THSD4: variants seen among roughly 807,000 people sequenced by gnomAD.
The protein encoded by THSD4 is thrombospondin type 1 domain containing 4.
Under a neutral mutation model 119.0 loss-of-function variants are expected in THSD4, and 69 were observed. The ratio of observed to expected loss-of-function variants is 0.58; its 90% CI spans 0.48 to 0.71. The LOEUF (loss-of-function observed/expected upper bound fraction) is 0.71, where lower values mean the gene tolerates loss of function less well. Among genes scored for constraint, THSD4 ranks in the 30% least tolerant of loss-of-function variants. The pLI is 0.00. For synonymous variants in THSD4, 524 were observed against 540.4 expected (o/e 0.97, Z 0.42); for missense variants, 1,393 against 1,391.1 (o/e 1.00, Z -0.02).
chr15:71,305,796 A>C (rs1054823306), intron 6 of THSD4, among the ~76,000 whole-genome samples: 3 of 152,144 alleles, frequency 2.0e-5, no homozygotes, highest in African/African-American at 7.2e-5. Flanking sequence ...GTCACTAACC[A>C]AGGGGCCTGC....
chr15:71,112,701 T>C (rs1398943606), upstream of THSD4, among the ~76,000 whole-genome samples: 2 of 152,186 alleles, frequency 1.3e-5, no homozygotes, highest in Non-Finnish European at 2.9e-5. Flanking sequence ...CTTGGCTCTC[T>C]CTTTCGGTGA....
In THSD4 at chr15:71,567,116, G is replaced by A. The variant is rs576763295; in HGVS notation, c.1153-93414G>A. Among the ~76,000 whole-genome samples, 170 of 152,252 alleles carry A rather than the reference G, an allele frequency of 1.1e-3. 1 individual carries two copies. Among genetic ancestry groups the A allele is most frequent in the African/African-American group, 4.0e-3 (166 of 41,534 alleles). ...TCAGAGCAGTGCCCGGATAGCTGTG[G>A]CATTCATAATGTGGAACTGCCCTCG... On this transcript the variant is annotated intron_variant, in intron 7 of 17. Coordinates refer to ENST00000261862, the MANE Select transcript of THSD4 (RefSeq NM_024817.3).
At chr15:71,102,091 C>T (rs537346851) in intron 1 of THSD4, among the ~76,000 whole-genome samples, 3 of 152,274 alleles carry the variant, frequency 2.0e-5, no homozygotes, top group South Asian at 4.1e-4. Flanking sequence ...GAGAAATGCA[C>T]AGTCATTTAA....
chr15:71,659,269 G>T (rs927567646), intron 7 of THSD4, among the ~76,000 whole-genome samples: 4 of 152,104 alleles, frequency 2.6e-5, no homozygotes, highest in Admixed American at 6.6e-5. Flanking sequence ...ACTTCCATCT[G>T]CTCATGGAAA....
At chr15:71,586,553 T>G (rs1350827151) in intron 7 of THSD4, among the ~76,000 whole-genome samples, 1 of 152,164 alleles carries the variant, frequency 6.6e-6, no homozygotes, top group Non-Finnish European at 1.5e-5. Flanking sequence ...CCTTGTCACA[T>G]AGCTCCCTTT....
At chr15:71,283,131 G>A (rs910490262) in intron 6 of THSD4, among the ~76,000 whole-genome samples, 4 of 151,990 alleles carry the variant, frequency 2.6e-5, no homozygotes, top group Non-Finnish European at 5.9e-5. Context: ...CACCACACCC[G>A]GTTAATGTTT....
At position 71,255,454 on chromosome 15, in the gene THSD4, C is replaced by G. The variant is rs189043604; in HGVS notation, c.913-1159C>G. Among the ~76,000 whole-genome samples, 996 of 152,304 alleles carry G rather than the reference C, an allele frequency of 6.5e-3. 9 individuals carry two copies. Among genetic ancestry groups the G allele is most frequent in the Non-Finnish European group, 7.5e-3 (508 of 68,022 alleles). ...GAGCAGTATGTTTTCCTTGAGTAGT[C>G]TAGTGCATCAGGATCACCTGGATAA... On this transcript the variant is annotated intron_variant, in intron 5 of 17. Coordinates refer to ENST00000261862, the MANE Select transcript of THSD4 (RefSeq NM_024817.3).
intron 8 of THSD4, among the ~76,000 whole-genome samples, chr15:71,700,100 G>C (rs189181594): frequency 2.0e-5 from 3 of 152,230 alleles, no homozygotes; most frequent in Admixed American, 1.3e-4. Context: ...CCAATGAAAT[G>C]AGACAAGAAA....
chr15:71,391,784 G>C (rs2046382695), intron 6 of THSD4, among the ~76,000 whole-genome samples: 1 of 152,094 alleles, frequency 6.6e-6, no homozygotes, highest in Non-Finnish European at 1.5e-5. Flanking sequence ...GGAGACGATG[G>C]CCTCTCAGAA....
At chr15:71,713,386 G>T (rs905075) in intron 8 of THSD4, among the ~76,000 whole-genome samples, 81,802 of 152,066 alleles carry the variant, frequency 0.54, 26,381 homozygotes, top group East Asian at 0.8. Flanking sequence ...TTGTATGGAG[G>T]TCACTGTGCC....
At chr15:71,376,361 T>C (rs2046136643) in intron 6 of THSD4, among the ~76,000 whole-genome samples, 1 of 152,190 alleles carries the variant, frequency 6.6e-6, no homozygotes, top group Non-Finnish European at 1.5e-5. Flanking sequence ...GTCCTGTTTC[T>C]TGACACTGTT....
chr15:71,394,254 A>C (rs1367903823), intron 6 of THSD4, among the ~76,000 whole-genome samples: 3 of 149,364 alleles, frequency 2.0e-5, no homozygotes, highest in East Asian at 2.0e-4. Flanking sequence ...TCTGTTGTCC[A>C]AACACATTTG....
chr15:71,710,230 C>T (rs1004770048), intron 8 of THSD4, among the ~76,000 whole-genome samples: 11 of 152,192 alleles, frequency 7.2e-5, no homozygotes, highest in African/African-American at 1.2e-4. Context: ...TTCCATTCCA[C>T]CCTCTGTTCC....
At chr15:71,291,308 A>G (rs2044788616) in intron 6 of THSD4, among the ~76,000 whole-genome samples, 1 of 152,236 alleles carries the variant, frequency 6.6e-6, no homozygotes, top group African/African-American at 2.4e-5. Context: ...CAAAACCAAT[A>G]GTATGCATAT....
intron 7 of THSD4, among the ~76,000 whole-genome samples, chr15:71,576,395 T>A (rs559095658): frequency 6.6e-6 from 1 of 152,294 alleles, no homozygotes; most frequent in South Asian, 2.1e-4. Flanking sequence ...TTCTCCTTCC[T>A]CCCCTCTCAC....
intron 6 of THSD4, among the ~76,000 whole-genome samples, chr15:71,384,564 T>G (rs939365885): frequency 1.3e-5 from 2 of 152,208 alleles, no homozygotes; most frequent in Non-Finnish European, 2.9e-5. Flanking sequence ...CAATTTTTCT[T>G]TCAATTAGTT....
chr15:71,602,553 CAAAAAAAAAAAA>C (rs59370074), intron 7 of THSD4, among the ~76,000 whole-genome samples: 8 of 53,878 alleles, frequency 1.5e-4, no homozygotes, highest in Admixed American at 6.4e-4. Flanking sequence ...AACTCTGTCT[CAAAAAAAAAAAA>C]AAAAAAAAAA....
intron 8 of THSD4, among the ~76,000 whole-genome samples, chr15:71,706,288 G>A (rs1034586071): frequency 6.6e-6 from 1 of 152,126 alleles, no homozygotes; most frequent in African/African-American, 2.4e-5. Flanking sequence ...AGAGCCAGGG[G>A]AACCCAGAGG....
chr15:71,738,676 G>C (rs1186016991), intron 11 of THSD4, among the ~76,000 whole-genome samples: 1 of 152,172 alleles, frequency 6.6e-6, no homozygotes. Context: ...GTGTAATTCA[G>C]AGGCTGAGAA....
Sources: gnomAD v4.1 joint callset for allele counts (sites outside exome capture counted in the v4.1 genomes callset) on GRCh38, gnomAD v4.1.1 for gene constraint, MANE v1.5 for transcripts, NCBI Gene and HGNC (gene_info 2026-07-23, HGNC 2026-07-21) for gene names.